The following ZNF600 variants were observed in gnomAD, a reference collection of about 807,000 sequenced individuals.
The protein encoded by ZNF600 is zinc finger protein KR-ZNF1.
In ZNF600, 4 loss-of-function variants were observed where a neutral mutation model predicts 7.3. The ratio of observed to expected loss-of-function variants is 0.55; its 90% CI spans 0.27 to 1.25. The LOEUF is 1.25. ZNF600 is among the 50% of genes most tolerant of loss of function. ZNF600 has a pLI of 0.12. For synonymous variants in ZNF600, 290 were observed against 308.9 expected, an observed-to-expected ratio of 0.94 and a Z score of 0.64; for missense variants, 911 against 922.1, an observed-to-expected ratio of 0.99 and a Z score of 0.16.
At position 52,786,601 on chromosome 19, in the gene ZNF600, G is replaced by A; in HGVS notation, c.-26C>T. The A allele has an allele frequency of 5.7e-6, 1 of 175,334 alleles. No individual in the cohort carries two copies. The highest frequency in any genetic ancestry group is 1.1e-4 in the South Asian group (1 of 9,296). 10.9% of individuals were successfully genotyped at this position (175,334 alleles called of 1,614,324 possible). The stretch of plus-strand genomic sequence containing the variant: ...GCAACTTCCAGACTCTTACCGGGAC[G>A]TCTCAATTTGCTCTGGGTGAAGGGA... On this transcript the variant is annotated 5_prime_UTR_variant, in exon 1 of 4. In the 5' UTR this introduces an upstream ATG that the reference lacks. Transcript: ENST00000648973.
chr19:52,823,772 A>T, the ZNF600 span, among the ~76,000 whole-genome samples: 2 of 152,076 alleles, frequency 1.3e-5, no homozygotes, highest in African/African-American at 4.8e-5. Flanking sequence ...TCTAAAAAAT[A>T]CCACTTCAGG....
At chr19:52,826,077 T>C in the ZNF600 span, among the ~76,000 whole-genome samples, 1 of 152,154 alleles carries the variant, frequency 6.6e-6, no homozygotes, top group Non-Finnish European at 1.5e-5. Flanking sequence ...TGATTCCCCA[T>C]TGAGCCAAGG....
At chr19:52,777,032 C>T (rs2062681186) in intron 2 of ZNF600, among the ~76,000 whole-genome samples, 1 of 152,076 alleles carries the variant, frequency 6.6e-6, no homozygotes, top group African/African-American at 2.4e-5. Flanking sequence ...TGTAAGAAAG[C>T]ATCCTGTACC....
At chr19:52,809,215 C>A in the ZNF600 span, among the ~76,000 whole-genome samples, 1 of 152,182 alleles carries the variant, frequency 6.6e-6, no homozygotes, top group Non-Finnish European at 1.5e-5. Flanking sequence ...ACCCTTTCAA[C>A]TGCCTGACCT....
chr19:52,766,189 C>T, exon 4 of ZNF600: 2 of 1,614,116 alleles, frequency 1.2e-6, no homozygotes, highest in South Asian at 1.1e-5. Flanking sequence ...TAAGGTTTCT[C>T]ACCACTATGA....
chr19:52,777,116 C>T (rs117823718), intron 2 of ZNF600, among the ~76,000 whole-genome samples: 2 of 152,028 alleles, frequency 1.3e-5, no homozygotes, highest in African/African-American at 2.4e-5. Flanking sequence ...CGTGGTGGCT[C>T]AGGCCTGTAA....
chr19:52,810,400 T>C, the ZNF600 span: 7 of 1,604,922 alleles, frequency 4.4e-6, no homozygotes, highest in East Asian at 2.2e-5. Context: ...CACGTTACCA[T>C]ACTCTGTGAC....
chr19:52,771,793 A>G (rs1454423470), intron 3 of ZNF600, among the ~76,000 whole-genome samples: 14 of 152,050 alleles, frequency 9.2e-5, no homozygotes, highest in Non-Finnish European at 1.9e-4. Flanking sequence ...TTTTTAATTT[A>G]GTAGATTCAA....
exon 1 of ZNF600, chr19:52,786,791 T>A (rs10424059): frequency 0.42 from 158,434 of 379,942 alleles, 36,701 homozygotes; most frequent in East Asian, 0.72. Flanking sequence ...CGCCCAGGAC[T>A]GAAGCCAGGC....
the ZNF600 span, among the ~76,000 whole-genome samples, chr19:52,806,281 C>T: frequency 3.9e-4 from 60 of 152,142 alleles, no homozygotes; most frequent in African/African-American, 1.4e-3. Flanking sequence ...GCAACCTCTG[C>T]CTTCCAGATT....
At chr19:52,818,997 G>A in the ZNF600 span, among the ~76,000 whole-genome samples, 919 of 143,622 alleles carry the variant, frequency 6.4e-3, 114 homozygotes, top group African/African-American at 0.023. Context: ...GGGGGTGGGA[G>A]GGCATGGGAG....
rs200860278 is a variant in ZNF600, at chr19:52,774,734, A to G, written c.64-33T>C. On this transcript the variant is annotated intron_variant, in intron 2 of 3. Transcript: ENST00000648973. ...GAAACACACATTTCCACAAAACATT[A>G]TGGAGGATTGAGTTATCACCTTCAT... 5.8e-4 allele frequency: 571 copies of G among 985,416 alleles called. 1 individual carries two copies. Among genetic ancestry groups the G allele is most frequent in the Middle Eastern group, 1.6e-3 (3 of 1,914 alleles). 61.0% of individuals were successfully genotyped at this position (985,416 alleles called of 1,614,324 possible).
At chr19:52,769,232 A>G (rs2062613529) in intron 3 of ZNF600, among the ~76,000 whole-genome samples, 1 of 152,090 alleles carries the variant, frequency 6.6e-6, no homozygotes, top group African/African-American at 2.4e-5. Context: ...AGGGCCTGAC[A>G]TCAGTCAGGC....
chr19:52,815,874 A>G, the ZNF600 span, among the ~76,000 whole-genome samples: 1 of 147,228 alleles, frequency 6.8e-6, no homozygotes, highest in Non-Finnish European at 1.5e-5. Flanking sequence ...GGTGTGATGA[A>G]ATAATTGGTA....
upstream of ZNF600, among the ~76,000 whole-genome samples, chr19:52,788,480 A>G (rs1300369482): frequency 3.9e-5 from 6 of 152,212 alleles, no homozygotes; most frequent in Admixed American, 1.3e-4. Context: ...TTCCTGTGAC[A>G]AAACACACAC....
the ZNF600 span, chr19:52,800,531 A>G: frequency 5.6e-6 from 9 of 1,611,710 alleles, no homozygotes; most frequent in Admixed American, 1.2e-4. Flanking sequence ...TACACTTGTA[A>G]GGCTTCTCTC....
chr19:52,775,860 G>A (rs2062670594), intron 2 of ZNF600, among the ~76,000 whole-genome samples: 1 of 152,062 alleles, frequency 6.6e-6, no homozygotes, highest in Non-Finnish European at 1.5e-5. Flanking sequence ...ACAAAAATTA[G>A]CTGGGAGTGA....
chr19:52,781,935 C>T (rs2062725245), intron 1 of ZNF600, among the ~76,000 whole-genome samples: 2 of 151,960 alleles, frequency 1.3e-5, no homozygotes, highest in South Asian at 2.1e-4. Flanking sequence ...GGGGTGTATG[C>T]CTGTAATCCC....
At chr19:52,774,129 TA>T (rs1433661696) in intron 3 of ZNF600, among the ~76,000 whole-genome samples, 1 of 151,992 alleles carries the variant, frequency 6.6e-6, no homozygotes, top group South Asian at 2.1e-4. Flanking sequence ...TATTCAGCCT[TA>T]AAAACAAACT....
Sources: allele counts gnomAD v4.1 joint callset (sites outside exome capture counted in the v4.1 genomes callset), GRCh38; gene constraint gnomAD v4.1.1; transcripts MANE v1.5; gene names NCBI Gene and HGNC (gene_info 2026-07-23, HGNC 2026-07-21).